The following SLC6A20 variants were observed in gnomAD, a reference collection of about 807,000 sequenced individuals.
SLC6A20 encodes the protein solute carrier family 6 member 20, also known as sodium- and chloride-dependent transporter XTRP3.
Under a neutral mutation model 64.3 loss-of-function variants are expected in SLC6A20, and 73 were observed. The ratio of observed to expected loss-of-function variants is 1.14; its 90% CI spans 0.94 to 1.38. SLC6A20 has a LOEUF of 1.38. Ranked by LOEUF, SLC6A20 falls within the 40% of genes most tolerant of loss-of-function variation. The pLI is 0.00. For synonymous variants in SLC6A20, 347 were observed against 329.6 expected (o/e 1.05, Z -0.57); for missense variants, 725 against 772.8 (o/e 0.94, Z 0.73).
At chr3:45,789,926 A>C (rs1331394954) in intron 1 of SLC6A20, among the ~76,000 whole-genome samples, 1 of 152,156 alleles carries the variant, frequency 6.6e-6, no homozygotes, top group Non-Finnish European at 1.5e-5. Context: ...CACTCATTAC[A>C]TTTATAACCC....
Position 45,758,793 on chromosome 3 carries a change from CCA to C in SLC6A20, c.*183_*184del. ...GGAGGCAGGTGACAGGGAGGAACAGCCACCACGGGAGGGTGTGCGTTCTCCCA... is the reference window on the plus strand; with the variant it reads ...GGAGGCAGGTGACAGGGAGGAACAGCCCACGGGAGGGTGTGCGTTCTCCCA... On this transcript the variant is annotated 3_prime_UTR_variant, in exon 11 of 11. Transcript: ENST00000358525. The C allele has an allele frequency of 7.4e-7, 1 of 1,343,750 alleles. No individual in the cohort carries two copies. The highest frequency in any genetic ancestry group is 2.9e-5 in the East Asian group (1 of 34,328). The allele number at this position is 1,343,750 out of a possible 1,614,324, so 83.2% of individuals were successfully genotyped here.
intron 1 of SLC6A20, among the ~76,000 whole-genome samples, chr3:45,795,341 TG>T (rs1489257310): frequency 1.4e-5 from 2 of 146,594 alleles, no homozygotes; most frequent in African/African-American, 5.1e-5. Flanking sequence ...ATTTTTTTTT[TG>T]AAAATGCCGC....
In SLC6A20 at chr3:45,782,087, A is replaced by T. The variant is rs373600065; in HGVS notation, c.258T>A (p.Gly86=). Residue 86 remains glycine (G), a synonymous_variant, in exon 2 of 11, where the codon GGT becomes GGA. Coordinates refer to ENST00000358525, the MANE Select transcript of SLC6A20 (RefSeq NM_020208.4). ...GACTGGAGGGGCCCCACGTACCGAC[A>T]CCACTGAGGTACGGGCTGATGGTCC... ...AWRTISPYLS[G]VGVASVVVSF... The T allele has an allele frequency of 3.1e-5, 49 of 1,605,864 alleles. No homozygotes were observed. In the Middle Eastern group the frequency reaches 9.9e-4, roughly 33 times the overall value.
chr3:45,761,467 G>A (rs755091659), intron 9 of SLC6A20, among the ~76,000 whole-genome samples: 7 of 152,088 alleles, frequency 4.6e-5, no homozygotes, highest in African/African-American at 7.2e-5. Context: ...GTGACCTCCA[G>A]CGGGCCCTAG....
At chr3:45,782,427 A>T (rs752292443) in intron 1 of SLC6A20, among the ~76,000 whole-genome samples, 1 of 150,446 alleles carries the variant, frequency 6.6e-6, no homozygotes, top group African/African-American at 2.5e-5. Flanking sequence ...TCTTGCTGCC[A>T]TTCCTCTCAT....
chr3:45,780,060 G>A lies in SLC6A20; in HGVS notation c.303C>T (p.Tyr101=). The A allele has an allele frequency of 1.2e-6, 2 of 1,604,534 alleles. No homozygotes were observed. Among genetic ancestry groups the A allele is most frequent in the African/African-American group, 1.3e-5 (1 of 74,896 alleles). The change falls in exon 3 of 11, where the codon TAC becomes TAT. Residue 101 remains tyrosine (Y), a synonymous_variant. Coordinates refer to ENST00000358525, the MANE Select transcript of SLC6A20 (RefSeq NM_020208.4). ...AGGCCCAGGCGTTGATGACGTTGTAGTACATGGAGAGGAAGAAAGAGACCA... is the reference window on the plus strand; with the variant it reads ...AGGCCCAGGCGTTGATGACGTTGTAATACATGGAGAGGAAGAAAGAGACCA... ...SVVVSFFLSM[Y]YNVINAWAFW...
Position 45,775,865 on chromosome 3 carries a change from G to A in SLC6A20, c.478C>T (p.Leu160Phe). 1.2e-6 allele frequency: 2 copies of A among 1,614,220 alleles called. No homozygotes were observed. Among genetic ancestry groups the A allele is most frequent in the Non-Finnish European group, 1.7e-6 (2 of 1,180,034 alleles). Residue 160 changes from leucine to phenylalanine, a missense_variant, in exon 4 of 11, where the codon CTC (leucine) becomes TTC (phenylalanine). Physicochemically the swap from Leu to Phe is conservative, Grantham distance 22. Coordinates refer to ENST00000358525, the MANE Select transcript of SLC6A20 (RefSeq NM_020208.4). ...YRKTLNISPS[L>F]QENGGVQWEP... ...CACTGCACACCCCCGTTCTCCTGGAGGGACGGCGAGATATTGAGGGTTTTC... is the reference window on the plus strand; with the variant it reads ...CACTGCACACCCCCGTTCTCCTGGAAGGACGGCGAGATATTGAGGGTTTTC...
Position 45,775,249 on chromosome 3 carries a change from C to A in SLC6A20, c.582+512G>T, listed in dbSNP as rs866773284. 2.0e-5 allele frequency among the ~76,000 whole-genome samples: 3 copies of A among 152,146 alleles called. No homozygotes were observed. The East Asian group carries it at 5.8e-4, about 29-fold the overall frequency. On this transcript the variant is annotated intron_variant, in intron 4 of 10. Transcript: ENST00000358525. ...CAAACTCAGCTGCAAATTAGAATCA[C>A]CTGGCGAGCTTTTAAACCTCCCCTG...
chr3:45,776,165 G>A (rs1699965083), intron 3 of SLC6A20, among the ~76,000 whole-genome samples, 177 bp from the exon 4 acceptor site: 1 of 152,110 alleles, frequency 6.6e-6, no homozygotes, highest in Non-Finnish European at 1.5e-5. Flanking sequence ...TTGTCAGGGG[G>A]CACGGGTGAG....
chr3:45,792,743 C>T (rs888763941), intron 1 of SLC6A20, among the ~76,000 whole-genome samples: 2 of 152,220 alleles, frequency 1.3e-5, no homozygotes, highest in African/African-American at 4.8e-5. Context: ...CCCCACACTC[C>T]GGCACAATAC....
In SLC6A20 at chr3:45,758,761, A is replaced by G. The variant is rs993529223; in HGVS notation, c.*217T>C. 7.5e-7 allele frequency: 1 copy of G among 1,325,380 alleles called. No homozygotes were observed. The highest frequency in any genetic ancestry group is 9.6e-7 in the Non-Finnish European group (1 of 1,038,882). The allele number at this position is 1,325,380 out of a possible 1,614,324, so 82.1% of individuals were successfully genotyped here. A position where few individuals can be genotyped will look rare whatever the true frequency, so the allele number is the denominator to read the frequency against. ...CGGCTTTCATAGCCCACCCCCTTCC[A>G]TGATGAGGAGGCAGGTGACAGGGAG... is the stretch of plus-strand genomic sequence containing the variant. On this transcript the variant is annotated 3_prime_UTR_variant, in exon 11 of 11. Transcript: ENST00000358525.
rs534587045 is a variant in SLC6A20 at position 45,770,847 on chromosome 3, C to A, written c.935+370G>T. Among the ~76,000 whole-genome samples, 17 of 152,316 alleles carry A rather than the reference C, an allele frequency of 1.1e-4. No homozygotes were observed. The East Asian group carries it at 3.1e-3, about 28-fold the overall frequency. ...AGTGACTACCCAACTGGACAGCATA[C>A]CTCCTGGATGATGTCTTTGTATTTT... is the stretch of plus-strand genomic sequence containing the variant. On this transcript the variant is annotated intron_variant, in intron 6 of 10. Coordinates refer to ENST00000358525, the MANE Select transcript of SLC6A20 (RefSeq NM_020208.4).
rs776239352 is a variant in SLC6A20 at position 45,782,186 on chromosome 3, CA to C, written c.158del (p.Val53GlyfsTer76). ...CCAGGTACAAGAGCGGCATTCCCTC[CA>C]CGATAAGCATGATGATGTAGGGGAC... is the stretch of plus-strand genomic sequence containing the variant. Reference protein sequence around the residue: ...FLVPYIIMLIVEGMPLLYLEL... With the variant: ...FLVPYIIMLIXEGMPLLYLEL... On this transcript the variant is annotated frameshift_variant, in exon 2 of 11. Transcript: ENST00000358525. LOFTEE classifies it high-confidence loss of function. 1.1e-5 allele frequency: 18 copies of C among 1,613,816 alleles called. No individual in the cohort carries two copies. The highest frequency in any genetic ancestry group is 1.5e-5 in the Non-Finnish European group (18 of 1,179,910).
chr3:45,772,372 C>A lies in SLC6A20; in HGVS notation c.693+133G>T, dbSNP rs116178537. On this transcript the variant is annotated intron_variant, in intron 5 of 10. Transcript: ENST00000358525. Reference sequence around the variant, plus strand: ...GCAGGTACTCCACACTCCTGCCACACCCTGGTGGGCTCACATCAGCTTCCG... The same window carrying A: ...GCAGGTACTCCACACTCCTGCCACAACCTGGTGGGCTCACATCAGCTTCCG... 1,237 of 717,842 alleles carry A rather than the reference C, an allele frequency of 1.7e-3. 4 individuals are homozygous for A. The African/African-American group carries it at 0.02, about 11-fold the overall frequency. The allele number at this position is 717,842 out of a possible 1,614,324, so 44.5% of individuals were successfully genotyped here.
At chr3:45,761,690 A>G (rs1699685026) in intron 9 of SLC6A20, among the ~76,000 whole-genome samples, 1 of 152,188 alleles carries the variant, frequency 6.6e-6, no homozygotes, top group African/African-American at 2.4e-5. Flanking sequence ...AAATGTTAGT[A>G]GCTAAGGGTG....
intron 4 of SLC6A20, 44 bp downstream of exon 4, chr3:45,775,717 C>G: frequency 6.4e-7 from 1 of 1,570,114 alleles, no homozygotes; most frequent in Non-Finnish European, 8.7e-7. Flanking sequence ...GGTGCACCCT[C>G]CCACCCACCA....
intron 7 of SLC6A20, among the ~76,000 whole-genome samples, chr3:45,768,303 T>A (rs1699805884): frequency 6.7e-6 from 1 of 148,758 alleles, no homozygotes; most frequent in Non-Finnish European, 1.5e-5. Flanking sequence ...GGGAATAAAG[T>A]GGAATGGGGA....
chr3:45,795,219 T>C (rs1700325719), intron 1 of SLC6A20, among the ~76,000 whole-genome samples: 1 of 152,232 alleles, frequency 6.6e-6, no homozygotes, highest in East Asian at 1.9e-4. Flanking sequence ...CTTTTCCCCA[T>C]TCTTTTCTCT....
At chr3:45,773,188 G>A (rs1338857809) in intron 4 of SLC6A20, among the ~76,000 whole-genome samples, 1 of 152,212 alleles carries the variant, frequency 6.6e-6, no homozygotes, top group African/African-American at 2.4e-5. Flanking sequence ...ACTGGGGCCT[G>A]AGAGCAGATT....
Sources: gnomAD v4.1 joint callset for allele counts (sites outside exome capture counted in the v4.1 genomes callset) on GRCh38, gnomAD v4.1.1 for gene constraint, MANE v1.5 for transcripts, NCBI Gene and HGNC (gene_info 2026-07-23, HGNC 2026-07-21) for gene names.